Variants in CNTNAP2 observed in about 807,000 individuals in gnomAD.
CNTNAP2 encodes the protein contactin-associated protein-like 2.
Under a neutral mutation model 155.2 loss-of-function variants are expected in CNTNAP2, and 98 were observed. That is an observed-to-expected ratio of 0.63 (90% CI 0.54 to 0.75). The LOEUF (loss-of-function observed/expected upper bound fraction) is 0.75. Ranked by LOEUF, CNTNAP2 falls within the 30% of genes least tolerant of loss-of-function variation. The pLI is 0.00. For synonymous variants in CNTNAP2, 651 were observed against 631.2 expected, an observed-to-expected ratio of 1.03 and a Z score of -0.47; for missense variants, 1,727 against 1,688.1, an observed-to-expected ratio of 1.02 and a Z score of -0.40.
intron 8 of CNTNAP2, among the ~76,000 whole-genome samples, chr7:147,256,269 C>A (rs1285300154): frequency 6.6e-6 from 1 of 152,064 alleles, no homozygotes; most frequent in Non-Finnish European, 1.5e-5. Flanking sequence ...AAAATGAGAT[C>A]TTTCGATTCC....
intron 23 of CNTNAP2, among the ~76,000 whole-genome samples, chr7:148,411,945 T>TA (rs986813922): frequency 8.9e-5 from 8 of 89,780 alleles, no homozygotes; most frequent in African/African-American, 4.0e-4. Flanking sequence ...TGCTTTATTG[T>TA]TGTATCTTTT....
At chr7:146,934,747 A>C (rs74601174) in intron 3 of CNTNAP2, among the ~76,000 whole-genome samples, 6,206 of 152,268 alleles carry the variant, frequency 0.041, 146 homozygotes, top group Middle Eastern at 0.088. Flanking sequence ...ATCATGACCA[A>C]GTCAAGTTCA....
intron 9 of CNTNAP2, among the ~76,000 whole-genome samples, chr7:147,373,035 T>C (rs1796373636): frequency 6.6e-6 from 1 of 152,104 alleles, no homozygotes; most frequent in African/African-American, 2.4e-5. Flanking sequence ...TAACTGATCG[T>C]ACCGTCCAGG....
intron 17 of CNTNAP2, among the ~76,000 whole-genome samples, chr7:148,159,205 C>A (rs1805464498): frequency 6.6e-6 from 1 of 152,124 alleles, no homozygotes; most frequent in Admixed American, 6.5e-5. Context: ...CACATCCTGA[C>A]AATGTTCCTC....
chr7:148,107,962 C>G (rs1210200839), intron 15 of CNTNAP2, among the ~76,000 whole-genome samples: 1 of 152,194 alleles, frequency 6.6e-6, no homozygotes, highest in Admixed American at 6.5e-5. Flanking sequence ...GCCACTGGAG[C>G]CAGCCTGGCA....
intron 12 of CNTNAP2, among the ~76,000 whole-genome samples, chr7:147,599,407 C>A (rs1800898178): frequency 6.7e-6 from 1 of 149,498 alleles, no homozygotes; most frequent in Non-Finnish European, 1.5e-5. Context: ...CACTTTAACC[C>A]AGGAGGTGGA....
At chr7:146,185,839 A>G (rs903161454) in intron 1 of CNTNAP2, among the ~76,000 whole-genome samples, 9 of 148,542 alleles carry the variant, frequency 6.1e-5, no homozygotes, top group African/African-American at 2.0e-4. Context: ...TAAACCATGC[A>G]TGGGTATTTG....
At chr7:147,258,282 TATA>T (rs1240176221) in intron 8 of CNTNAP2, among the ~76,000 whole-genome samples, 1 of 152,222 alleles carries the variant, frequency 6.6e-6, no homozygotes, top group Non-Finnish European at 1.5e-5. Flanking sequence ...TTTCAACACA[TATA>T]ATGTTTGGTG....
intron 13 of CNTNAP2, among the ~76,000 whole-genome samples, chr7:147,744,851 G>C (rs1447341487): frequency 6.6e-6 from 1 of 152,002 alleles, no homozygotes; most frequent in Non-Finnish European, 1.5e-5. Flanking sequence ...AACTGTAATT[G>C]CCTCCTTAAA....
At chr7:146,161,919 C>T (rs1177204818) in intron 1 of CNTNAP2, among the ~76,000 whole-genome samples, 14 of 152,194 alleles carry the variant, frequency 9.2e-5, no homozygotes, top group Middle Eastern at 3.4e-3. Context: ...GGAAAGGATT[C>T]CCTATTTAAT....
chr7:147,623,207 C>T (rs532360112), intron 12 of CNTNAP2, among the ~76,000 whole-genome samples: 1 of 152,160 alleles, frequency 6.6e-6, no homozygotes, highest in South Asian at 2.1e-4. Flanking sequence ...GACAAGGATG[C>T]CTACTTTCAC....
intron 8 of CNTNAP2, among the ~76,000 whole-genome samples, chr7:147,263,761 T>C (rs1274445370): frequency 6.6e-6 from 1 of 152,234 alleles, no homozygotes; most frequent in Admixed American, 6.5e-5. Context: ...TCAGCTCTGA[T>C]GCATACATAT....
chr7:147,403,339 G>T (rs1796950950), intron 10 of CNTNAP2, among the ~76,000 whole-genome samples: 1 of 152,090 alleles, frequency 6.6e-6, no homozygotes, highest in South Asian at 2.1e-4. Flanking sequence ...ATAAAACCAA[G>T]TCACACCCCA....
Position 147,977,846 on chromosome 7 carries a change from T to TC in CNTNAP2, c.2256-16_2256-15insC. Reference sequence around the variant, plus strand: ...GCAGCCTCCTCATTCTTTTTCTGTCTTTCCCTGTGATCCAGGAGGAAGGAT... The same window carrying TC: ...GCAGCCTCCTCATTCTTTTTCTGTCTCTTCCCTGTGATCCAGGAGGAAGGAT... On this transcript the variant is annotated splice_polypyrimidine_tract_variant and intron_variant, in intron 14 of 23. Transcript: ENST00000361727. 1 of 1,614,026 alleles carries TC rather than the reference T, an allele frequency of 6.2e-7. No individual in the cohort carries two copies. The highest frequency in any genetic ancestry group is 1.1e-5 in the South Asian group (1 of 91,076).
chr7:148,006,072 A>G (rs189955837), intron 15 of CNTNAP2, among the ~76,000 whole-genome samples: 64 of 152,226 alleles, frequency 4.2e-4, no homozygotes, highest in African/African-American at 1.4e-3. Context: ...GACACAATAT[A>G]GAACACAAAA....
At chr7:146,452,354 T>A (rs1461437153) in intron 1 of CNTNAP2, among the ~76,000 whole-genome samples, 1 of 152,200 alleles carries the variant, frequency 6.6e-6, no homozygotes, top group African/African-American at 2.4e-5. Flanking sequence ...AATTTCCCAG[T>A]ACATAATCTA....
intron 15 of CNTNAP2, among the ~76,000 whole-genome samples, chr7:148,075,864 A>G (rs1803474081): frequency 6.6e-6 from 1 of 152,222 alleles, no homozygotes; most frequent in South Asian, 2.1e-4. Flanking sequence ...AGCTATTCAA[A>G]TATTGTTATC....
At chr7:146,831,036 T>G (rs1427467838) in intron 2 of CNTNAP2, among the ~76,000 whole-genome samples, 1 of 152,178 alleles carries the variant, frequency 6.6e-6, no homozygotes, top group Non-Finnish European at 1.5e-5. Flanking sequence ...TAATTAAAAT[T>G]GAAGATACAT....
chr7:146,458,446 A>T lies in CNTNAP2; in HGVS notation c.98-315825A>T, dbSNP rs193245922. Among the ~76,000 whole-genome samples the T allele has an allele frequency of 6.3e-4, 96 of 152,298 alleles. 1 individual carries two copies. Among genetic ancestry groups the T allele is most frequent in the African/African-American group, 2.3e-3 (95 of 41,560 alleles). ...GGAATGTACAATAACAAAATCAAAG[A>T]TTCAGTCACCCTCACATGCATCTCT... is the stretch of plus-strand genomic sequence containing the variant. On this transcript the variant is annotated intron_variant, in intron 1 of 23. Coordinates refer to ENST00000361727, the MANE Select transcript of CNTNAP2 (RefSeq NM_014141.6).
Sources: gnomAD v4.1 joint callset for allele counts (sites outside exome capture counted in the v4.1 genomes callset) on GRCh38, gnomAD v4.1.1 for gene constraint, MANE v1.5 for transcripts, NCBI Gene and HGNC (gene_info 2026-07-23, HGNC 2026-07-21) for gene names.